CLEC2D: variants seen among roughly 807,000 people sequenced by gnomAD.
CLEC2D encodes the protein C-type lectin domain family 2 member D, also known as C-type lectin related f.
Under a neutral mutation model 20.0 loss-of-function variants are expected in CLEC2D, and 16 were observed. That is an observed-to-expected ratio of 0.80 (90% CI 0.54 to 1.22). The LOEUF is 1.22. CLEC2D is among the 50% of genes most tolerant of loss of function. The pLI is 0.00. For missense variants in CLEC2D, 207 were observed against 221.5 expected (o/e 0.93, Z 0.42); for synonymous variants, 77 against 71.1 (o/e 1.08, Z -0.42).
chr12:9,694,311 G>T, intron 4 of CLEC2D, among the ~76,000 whole-genome samples: 1 of 152,134 alleles, frequency 6.6e-6, no homozygotes, highest in East Asian at 1.9e-4. Flanking sequence ...TAAAATATCT[G>T]TGCCAAGCCA....
Position 9,696,350 on chromosome 12 carries a change from A to G in CLEC2D, c.*1476A>G, listed in dbSNP as rs1252729735. ...GAACTTTCCCTACCATGTTTGATAA[A>G]TGTTGTCCAGGTTCTATTGCCAAGA... On this transcript the variant is annotated 3_prime_UTR_variant, in exon 5 of 5. Transcript: ENST00000290855. The G allele has an allele frequency of 1.7e-5, 9 of 535,534 alleles. No homozygotes were observed. Among genetic ancestry groups the G allele is most frequent in the African/African-American group, 1.5e-4 (8 of 53,012 alleles). 33.2% of individuals were successfully genotyped at this position (535,534 alleles called of 1,614,324 possible). A position where few individuals can be genotyped will look rare whatever the true frequency, so the allele number is the denominator to read the frequency against.
chr12:9,694,518 A>T (rs1865935847), intron 4 of CLEC2D, among the ~76,000 whole-genome samples: 1 of 152,224 alleles, frequency 6.6e-6, no homozygotes, highest in Non-Finnish European at 1.5e-5. Flanking sequence ...TGTACTTGAA[A>T]GAATATTATG....
chr12:9,685,478 A>G (rs934624164), intron 2 of CLEC2D, among the ~76,000 whole-genome samples: 32 of 152,296 alleles, frequency 2.1e-4, no homozygotes, highest in African/African-American at 7.7e-4. Flanking sequence ...CAGGGAGATA[A>G]GAGTTTTATC....
At chr12:9,686,927 T>C (rs1207999300) in intron 2 of CLEC2D, among the ~76,000 whole-genome samples, 1 of 152,158 alleles carries the variant, frequency 6.6e-6, no homozygotes, top group African/African-American at 2.4e-5. Context: ...ATACAAGGCT[T>C]TTTCACATCA....
chr12:9,672,424 A>G (rs2120887137), intron 1 of CLEC2D, among the ~76,000 whole-genome samples: 1 of 152,326 alleles, frequency 6.6e-6, no homozygotes, highest in Non-Finnish European at 1.5e-5. Context: ...CTACATTGGC[A>G]TATTGTAGCA....
Position 9,695,303 on chromosome 12 carries a change from G to C in CLEC2D, c.*429G>C, listed in dbSNP as rs965855607. The C allele has an allele frequency of 2.2e-5, 17 of 767,992 alleles. No individual in the cohort carries two copies. Among genetic ancestry groups the C allele is most frequent in the African/African-American group, 6.8e-5 (4 of 58,604 alleles). 47.6% of individuals were successfully genotyped at this position (767,992 alleles called of 1,614,324 possible). A position where few individuals can be genotyped will look rare whatever the true frequency, so the allele number is the denominator to read the frequency against. On this transcript the variant is annotated 3_prime_UTR_variant, in exon 5 of 5. Coordinates refer to ENST00000290855, the MANE Select transcript of CLEC2D (RefSeq NM_013269.6). ...GTATGGGGCTCCCTGGTGTGATTCC[G>C]TCCTGCGCGGCTGTTCTCTGGAGCA...
intron 2 of CLEC2D, 51 bp downstream of exon 2, chr12:9,681,084 AG>A (rs1171273048): frequency 1.1e-6 from 1 of 947,480 alleles, no homozygotes. Context: ...ACTTGTAAAA[AG>A]AAGAGGAAGA....
intron 1 of CLEC2D, among the ~76,000 whole-genome samples, chr12:9,673,411 C>CTGCCTGCT (rs1335522484): frequency 2.6e-5 from 4 of 152,384 alleles, no homozygotes; most frequent in African/African-American, 9.6e-5. Context: ...CAGCAGATTG[C>CTGCCTGCT]TGCCTGCTTC....
intron 3 of CLEC2D, among the ~76,000 whole-genome samples, chr12:9,692,249 C>G (rs1865884212): frequency 6.6e-6 from 1 of 152,096 alleles, no homozygotes; most frequent in South Asian, 2.1e-4. Context: ...GATTCTCATG[C>G]CTCAGCCTCC....
At position 9,687,641 on chromosome 12, in the gene CLEC2D, T is replaced by C. The variant is rs192457152; in HGVS notation, c.173-261T>C. On this transcript the variant is annotated intron_variant, in intron 2 of 4. Transcript: ENST00000290855. ...CACTGTTGAGAGCCAAATAGATACA[T>C]GGCCCAGAGCAAGCTTAAGTTACTA... Among the ~76,000 whole-genome samples, 76 of 152,332 alleles carry C rather than the reference T, an allele frequency of 5.0e-4. 1 individual carries two copies. Among genetic ancestry groups the C allele is most frequent in the African/African-American group, 1.5e-3 (64 of 41,584 alleles).
chr12:9,672,459 T>A (rs1432436694), intron 1 of CLEC2D, among the ~76,000 whole-genome samples: 1 of 152,208 alleles, frequency 6.6e-6, no homozygotes, highest in Non-Finnish European at 1.5e-5. Flanking sequence ...TCTGATGGAC[T>A]TCCCTTTGTC....
chr12:9,678,268 T>G (rs749816367), intron 1 of CLEC2D, among the ~76,000 whole-genome samples: 2 of 152,296 alleles, frequency 1.3e-5, no homozygotes, highest in East Asian at 3.9e-4. Flanking sequence ...TTTGTTCTGT[T>G]TGAAATTTGT....
chr12:9,693,679 C>T, intron 4 of CLEC2D: 1 of 276,068 alleles, frequency 3.6e-6, no homozygotes. Flanking sequence ...TACATTTATA[C>T]ATTGTTGTAT....
intron 1 of CLEC2D, among the ~76,000 whole-genome samples, chr12:9,677,462 T>C (rs1259984033): frequency 6.6e-6 from 1 of 152,174 alleles, no homozygotes; most frequent in Non-Finnish European, 1.5e-5. Flanking sequence ...TCTAGTTTAT[T>C]TACATTGTGG....
At chr12:9,694,723 G>C (rs752155351) in intron 4 of CLEC2D, 37 bp from the exon 5 acceptor site, 1 of 1,081,058 alleles carries the variant, frequency 9.3e-7, no homozygotes, top group Admixed American at 1.7e-5. Context: ...TTGAAGAAAT[G>C]TTCAGTGGCC....
chr12:9,689,304 A>G (rs1865816589), intron 3 of CLEC2D, among the ~76,000 whole-genome samples: 1 of 152,220 alleles, frequency 6.6e-6, no homozygotes, highest in South Asian at 2.1e-4. Context: ...GAGAATAAAA[A>G]TAGTTGGGAA....
Position 9,696,026 on chromosome 12 carries a change from C to T in CLEC2D, c.*1152C>T. On this transcript the variant is annotated 3_prime_UTR_variant, in exon 5 of 5. Transcript: ENST00000290855. ...ACACCAAGATCAAAAGGACAAGAAT[C>T]CTTCAAAAAACAGGAAAAATCTCCT... 1.4e-6 allele frequency: 2 copies of T among 1,411,198 alleles called. No individual in the cohort carries two copies. Among genetic ancestry groups the T allele is most frequent in the Non-Finnish European group, 2.0e-6 (2 of 1,010,286 alleles). 87.4% of individuals were successfully genotyped at this position (1,411,198 alleles called of 1,614,324 possible).
At position 9,696,830 on chromosome 12, in the gene CLEC2D, A is replaced by G. The variant is rs1212887489; in HGVS notation, c.*1956A>G. Reference sequence around the variant, plus strand: ...TCCTAAAGAAATTAAAAAGAGAACTACCATATGAGCCAGCAATCCCTTTTC... The same window carrying G: ...TCCTAAAGAAATTAAAAAGAGAACTGCCATATGAGCCAGCAATCCCTTTTC... On this transcript the variant is annotated 3_prime_UTR_variant, in exon 5 of 5. Transcript: ENST00000290855. 1 of 152,116 alleles carries G rather than the reference A, an allele frequency of 6.6e-6. No individual in the cohort carries two copies. The highest frequency in any genetic ancestry group is 2.4e-5 in the African/African-American group (1 of 41,406). The allele number at this position is 152,116 out of a possible 1,614,324, so 9.4% of individuals were successfully genotyped here. A position where few individuals can be genotyped will look rare whatever the true frequency, so the allele number is the denominator to read the frequency against.
chr12:9,672,766 A>T (rs1417345567), intron 1 of CLEC2D, among the ~76,000 whole-genome samples: 1 of 151,690 alleles, frequency 6.6e-6, no homozygotes, highest in East Asian at 1.9e-4. Context: ...ATTTCTTTTC[A>T]TTCTTTTTTC....
Sources: gnomAD v4.1 joint callset for allele counts (sites outside exome capture counted in the v4.1 genomes callset) on GRCh38, gnomAD v4.1.1 for gene constraint, MANE v1.5 for transcripts, NCBI Gene and HGNC (gene_info 2026-07-23, HGNC 2026-07-21) for gene names.